The following NPSR1 variants were observed in gnomAD, a reference collection of about 807,000 sequenced individuals.
NPSR1 encodes the protein neuropeptide S receptor.
A neutral mutation model predicts 46.9 loss-of-function variants in NPSR1; 48 were observed. The ratio of observed to expected loss-of-function variants is 1.02; its 90% CI spans 0.81 to 1.30. NPSR1 has a LOEUF of 1.30. Ranked by LOEUF, NPSR1 falls within the 50% of genes most tolerant of loss-of-function variation. NPSR1 has a pLI of 0.00. For synonymous variants in NPSR1, 176 were observed against 168.1 expected (o/e 1.05, Z -0.36); for missense variants, 450 against 449.5 (o/e 1.00, Z -0.01).
chr7:34,679,529 G>A (rs1422280506), intron 1 of NPSR1, among the ~76,000 whole-genome samples: 2 of 152,112 alleles, frequency 1.3e-5, no homozygotes, highest in Non-Finnish European at 2.9e-5. Flanking sequence ...CTCGGAAACT[G>A]TGACTTTAAG....
intron 6 of NPSR1, among the ~76,000 whole-genome samples, chr7:34,837,471 C>T (rs1373631249): frequency 1.3e-5 from 2 of 152,234 alleles, no homozygotes; most frequent in Non-Finnish European, 2.9e-5. Flanking sequence ...GTGTTCTTCC[C>T]TTTAACTCAT....
rs1225773634 is a variant in NPSR1, at chr7:34,827,403, A to G, written c.481A>G (p.Lys161Glu). The G allele has an allele frequency of 6.2e-7, 1 of 1,613,992 alleles. No individual in the cohort carries two copies. The highest frequency in any genetic ancestry group is 1.1e-5 in the South Asian group (1 of 91,076). Residue 161 changes from lysine (K) to glutamate (E), a missense_variant and splice_region_variant, in exon 5 of 9, where the codon AAG becomes GAG. Lys to Glu is a moderately conservative substitution (Grantham distance 56). Transcript: ENST00000360581. ...VYPMKFLQGEKQARVLIVIAW... is the reference protein window; with the variant it reads ...VYPMKFLQGEEQARVLIVIAW... ...ATTCCTCTCTTTTCTTTGGGCAGAA[A>G]AGCAAGCCAGGGTCCTCATTGTGAT...
rs528308051 is a variant in NPSR1 at position 34,838,717 on chromosome 7, A to T, written c.757+4257A>T. Reference sequence around the variant, plus strand: ...GTCAAAGGCTGACAGAAAGGAAAAGAAAAAGAACTGTATCATAAATTATCT... The same window carrying T: ...GTCAAAGGCTGACAGAAAGGAAAAGTAAAAGAACTGTATCATAAATTATCT... On this transcript the variant is annotated intron_variant, in intron 6 of 8. Transcript: ENST00000360581. Among the ~76,000 whole-genome samples the T allele has an allele frequency of 2.7e-4, 41 of 152,356 alleles. 1 individual carries two copies. In the Middle Eastern group the frequency reaches 0.014, roughly 51 times the overall value.
intron 2 of NPSR1, chr7:34,686,231 T>C (rs911594933): frequency 2.6e-5 from 4 of 152,438 alleles, no homozygotes; most frequent in South Asian, 2.1e-4. Flanking sequence ...TAATTTCATG[T>C]ACATCTCCTG....
intron 2 of NPSR1, among the ~76,000 whole-genome samples, chr7:34,753,096 T>C (rs921633537): frequency 1.3e-5 from 2 of 152,188 alleles, no homozygotes; most frequent in African/African-American, 2.4e-5. Flanking sequence ...TAGTAATTGA[T>C]GAGTGTTTAA....
At chr7:34,750,035 T>C (rs1282688971) in intron 2 of NPSR1, among the ~76,000 whole-genome samples, 1 of 152,036 alleles carries the variant, frequency 6.6e-6, no homozygotes, top group African/African-American at 2.4e-5. Flanking sequence ...ACAAGGAGAC[T>C]GGCAAACATA....
chr7:34,826,885 A>T (rs1437203647), intron 4 of NPSR1, among the ~76,000 whole-genome samples: 1 of 71,430 alleles, frequency 1.4e-5, no homozygotes, highest in East Asian at 5.7e-4. Context: ...CCATGTTCCT[A>T]CCAAAAAAAA....
At chr7:34,741,923 G>A (rs1284739860) in intron 2 of NPSR1, among the ~76,000 whole-genome samples, 1 of 152,192 alleles carries the variant, frequency 6.6e-6, no homozygotes, top group Non-Finnish European at 1.5e-5. Context: ...CTAGTTCTGT[G>A]AAAGTTGATT....
At chr7:34,748,062 G>T (rs1392711478) in intron 2 of NPSR1, among the ~76,000 whole-genome samples, 1 of 152,126 alleles carries the variant, frequency 6.6e-6, no homozygotes, top group Non-Finnish European at 1.5e-5. Flanking sequence ...CCAGCTCACA[G>T]CAAAAGGGCC....
At position 34,869,648 on chromosome 7, in the gene NPSR1, C is replaced by T. The variant is rs143722209; in HGVS notation, c.1026-8428C>T. ...TATAGGCCTTATAACAGCCTCCATC[C>T]ATTCATTCATTCATTTAACAAATAT... On this transcript the variant is annotated intron_variant, in intron 8 of 8. Coordinates refer to the NPSR1 transcript ENST00000359791. Among the ~76,000 whole-genome samples, 43 of 151,870 alleles carry T rather than the reference C, an allele frequency of 2.8e-4. 2 individuals carry two copies. The highest frequency in any genetic ancestry group is 1.0e-3 in the African/African-American group (43 of 41,142).
intron 4 of NPSR1, among the ~76,000 whole-genome samples, chr7:34,825,141 C>A (rs1005423354): frequency 6.6e-6 from 1 of 152,126 alleles, no homozygotes; most frequent in African/African-American, 2.4e-5. Context: ...AAGACATTTT[C>A]CTACCGTTCT....
At chr7:34,843,798 G>C (rs10256771) in intron 6 of NPSR1, among the ~76,000 whole-genome samples, 3,070 of 152,320 alleles carry the variant, frequency 0.02, 98 homozygotes, top group African/African-American at 0.067. Flanking sequence ...AGACAATGGA[G>C]CACAGCAGTT....
rs751076118 is a variant in NPSR1 at position 34,684,591 on chromosome 7, A to G, written c.187A>G (p.Thr63Ala). 3.7e-6 allele frequency: 6 copies of G among 1,613,678 alleles called. No individual in the cohort carries two copies. Among genetic ancestry groups the G allele is most frequent in the Non-Finnish European group, 5.1e-6 (6 of 1,179,796 alleles). Residue 63 changes from threonine (T) to alanine (A), a missense_variant, in exon 2 of 9, where the codon ACC becomes GCC. Thr to Ala is a moderately conservative substitution (Grantham distance 58). Coordinates refer to ENST00000360581, the MANE Select transcript of NPSR1 (RefSeq NM_207172.2). The stretch of plus-strand genomic sequence containing the variant: ...AACTCTGTGGGTCCTCTTTGTTTTT[A>G]CCATTGTTGGAAACTCCGTTGTGCT... ...LITLWVLFVFTIVGNSVVLFS... is the reference protein window; with the variant it reads ...LITLWVLFVFAIVGNSVVLFS...
intron 6 of NPSR1, among the ~76,000 whole-genome samples, chr7:34,839,912 C>T (rs1790505156): frequency 1.3e-5 from 2 of 152,094 alleles, no homozygotes; most frequent in Non-Finnish European, 1.5e-5. Flanking sequence ...CACATGACTA[C>T]ACACTGCTGG....
intron 1 of NPSR1, among the ~76,000 whole-genome samples, chr7:34,680,938 A>AG (rs200272281): frequency 0.02 from 2,985 of 145,888 alleles, 47 homozygotes; most frequent in African/African-American, 0.041. Flanking sequence ...GTGTTGATAA[A>AG]GGTTTTTTTT....
intron 2 of NPSR1, among the ~76,000 whole-genome samples, chr7:34,708,401 T>A (rs546333348): frequency 6.6e-6 from 1 of 152,318 alleles, no homozygotes; most frequent in East Asian, 1.9e-4. Context: ...TGAAGTCAAA[T>A]GTCTCACTCC....
intron 2 of NPSR1, among the ~76,000 whole-genome samples, chr7:34,703,473 C>T (rs1175118320): frequency 6.6e-6 from 1 of 151,982 alleles, no homozygotes; most frequent in African/African-American, 2.4e-5. Context: ...TTATTTTTCC[C>T]CCTACAATGC....
At chr7:34,825,496 T>G (rs1433282174) in intron 4 of NPSR1, among the ~76,000 whole-genome samples, 4 of 152,230 alleles carry the variant, frequency 2.6e-5, no homozygotes, top group African/African-American at 9.6e-5. Flanking sequence ...GCTGGCGCTG[T>G]GGTCCTAGCC....
chr7:34,658,952 A>G lies in NPSR1; in HGVS notation c.147+393A>G, dbSNP rs1791322018. Among the ~76,000 whole-genome samples, 6 of 152,240 alleles carry G rather than the reference A, an allele frequency of 3.9e-5. 1 individual carries two copies. The highest frequency in any genetic ancestry group is 3.9e-4 in the Admixed American group (6 of 15,290). ...TTGCTAGGAACACCAGAGATGCGGAAAGCTCACAATCCCCAGGACAGTGAC... is the reference window on the plus strand; with the variant it reads ...TTGCTAGGAACACCAGAGATGCGGAGAGCTCACAATCCCCAGGACAGTGAC... On this transcript the variant is annotated intron_variant, in intron 1 of 8. Coordinates refer to ENST00000360581, the MANE Select transcript of NPSR1 (RefSeq NM_207172.2).
Sources: allele counts gnomAD v4.1 joint callset (sites outside exome capture counted in the v4.1 genomes callset), GRCh38; gene constraint gnomAD v4.1.1; transcripts MANE v1.5; gene names NCBI Gene and HGNC (gene_info 2026-07-23, HGNC 2026-07-21).